NCKAP5: variants seen among roughly 807,000 people sequenced by gnomAD.
The protein encoded by NCKAP5 is nck-associated protein 5.
A neutral mutation model predicts 167.0 loss-of-function variants in NCKAP5; 92 were observed. The ratio of observed to expected loss-of-function variants is 0.55; its 90% CI spans 0.47 to 0.66. NCKAP5 has a LOEUF of 0.66. Ranked by LOEUF, NCKAP5 falls within the 30% of genes least tolerant of loss-of-function variation. The pLI, the probability that NCKAP5 is intolerant of heterozygous loss-of-function variation, is 0.00. For missense variants in NCKAP5, 2,378 were observed against 2,315.0 expected, an observed-to-expected ratio of 1.03 and a Z score of -0.56; for synonymous variants, 891 against 877.4, an observed-to-expected ratio of 1.02 and a Z score of -0.27.
the NCKAP5 span, among the ~76,000 whole-genome samples, chr2:133,615,132 A>G: frequency 6.6e-6 from 1 of 151,872 alleles, no homozygotes; most frequent in South Asian, 2.1e-4. Context: ...CCTGCCCTAA[A>G]AGAGCTCCTG....
chr2:132,962,377 A>G (rs953079461), intron 8 of NCKAP5, among the ~76,000 whole-genome samples: 5 of 151,932 alleles, frequency 3.3e-5, no homozygotes, highest in Non-Finnish European at 7.4e-5. Flanking sequence ...AGCCTAAGTA[A>G]CTTTGATGGT....
chr2:133,480,972 A>G (rs1040008533), intron 3 of NCKAP5, among the ~76,000 whole-genome samples: 2 of 152,180 alleles, frequency 1.3e-5, no homozygotes, highest in Non-Finnish European at 2.9e-5. Context: ...CTTCACTTTT[A>G]TCAGCTGGTG....
At chr2:132,869,174 CT>C in intron 9 of NCKAP5, among the ~76,000 whole-genome samples, 200 bp from the exon 10 acceptor site, 1 of 152,174 alleles carries the variant, frequency 6.6e-6, no homozygotes, top group East Asian at 1.9e-4. Flanking sequence ...CAAAGGTGAC[CT>C]TGTTGCTAAT....
intron 3 of NCKAP5, among the ~76,000 whole-genome samples, chr2:133,426,175 C>A (rs1006735573): frequency 6.6e-6 from 1 of 151,948 alleles, no homozygotes; most frequent in Non-Finnish European, 1.5e-5. Context: ...GAGGCTGAGG[C>A]AGGAGAATAG....
chr2:133,053,167 C>G (rs1192371810), intron 6 of NCKAP5, among the ~76,000 whole-genome samples: 6 of 152,282 alleles, frequency 3.9e-5, no homozygotes, highest in African/African-American at 1.2e-4. Flanking sequence ...TTCTTCACAG[C>G]TTTTTGTCTG....
chr2:133,285,376 T>G (rs1333505384), intron 4 of NCKAP5, among the ~76,000 whole-genome samples: 2 of 152,216 alleles, frequency 1.3e-5, no homozygotes, highest in African/African-American at 4.8e-5. Flanking sequence ...AAATGCTAAC[T>G]TTAAAATTAT....
At chr2:133,115,792 T>TGC (rs2082057237) in intron 6 of NCKAP5, among the ~76,000 whole-genome samples, 1 of 102,570 alleles carries the variant, frequency 9.7e-6, no homozygotes, top group East Asian at 3.4e-4. Flanking sequence ...TATATATATA[T>TGC]ATATATATAT....
chr2:132,736,736 G>A (rs1231058191), intron 16 of NCKAP5, among the ~76,000 whole-genome samples: 2 of 152,184 alleles, frequency 1.3e-5, no homozygotes, highest in African/African-American at 2.4e-5. Flanking sequence ...GCAGTGAGCC[G>A]AGATCGCACC....
chr2:132,811,370 T>A (rs997033126), intron 11 of NCKAP5, among the ~76,000 whole-genome samples: 1 of 152,014 alleles, frequency 6.6e-6, no homozygotes, highest in Admixed American at 6.6e-5. Flanking sequence ...CAGGGGTGGA[T>A]AGGGAAAGAC....
chr2:132,984,736 C>T (rs1273459678), intron 7 of NCKAP5, among the ~76,000 whole-genome samples: 2 of 151,884 alleles, frequency 1.3e-5, no homozygotes, highest in Non-Finnish European at 2.9e-5. Context: ...CCTATTTTCT[C>T]TCCATTTCAC....
chr2:133,344,592 G>A (rs1052016225), intron 3 of NCKAP5, among the ~76,000 whole-genome samples: 1 of 152,028 alleles, frequency 6.6e-6, no homozygotes, highest in Admixed American at 6.6e-5. Flanking sequence ...GGCAAGAAGT[G>A]CAAATCGCTG....
At chr2:132,862,779 C>CA (rs761608288) in intron 10 of NCKAP5, among the ~76,000 whole-genome samples, 1,335 of 70,430 alleles carry the variant, frequency 0.019, 14 homozygotes, top group Non-Finnish European at 0.026. Flanking sequence ...AAAAAAAAAA[C>CA]CAAAAAAAAA....
chr2:132,815,539 A>G lies in NCKAP5; in HGVS notation c.808-18810T>C, dbSNP rs543062606. Among the ~76,000 whole-genome samples the G allele has an allele frequency of 2.0e-5, 3 of 152,346 alleles. No homozygotes were observed. The South Asian group carries it at 6.2e-4, about 32-fold the overall frequency. ...GGTTTAAAAACATTTATTACATATA[A>G]ATCTATAGTGTTTTATTTAGCTATT... On this transcript the variant is annotated intron_variant, in intron 11 of 19. Transcript: ENST00000409261.
At chr2:132,966,196 T>C (rs960694059) in intron 7 of NCKAP5, among the ~76,000 whole-genome samples, 4 of 152,062 alleles carry the variant, frequency 2.6e-5, no homozygotes, top group Non-Finnish European at 4.4e-5. Context: ...ACCTCCCAGG[T>C]TCAAGCAATT....
intron 19 of NCKAP5, among the ~76,000 whole-genome samples, chr2:132,694,870 A>C (rs1193436075): frequency 6.6e-6 from 1 of 152,208 alleles, no homozygotes; most frequent in Non-Finnish European, 1.5e-5. Context: ...TCCAGTCTCC[A>C]GCATGGACCT....
chr2:133,556,797 G>T (rs571505163), intron 2 of NCKAP5: 1 of 152,130 alleles, frequency 6.6e-6, no homozygotes, highest in African/African-American at 2.4e-5. Flanking sequence ...CAGACGTTTG[G>T]GTATGGAGAG....
chr2:133,366,488 A>G (rs1260887625), intron 3 of NCKAP5, among the ~76,000 whole-genome samples: 2 of 152,066 alleles, frequency 1.3e-5, no homozygotes, highest in Admixed American at 1.3e-4. Context: ...TTTTTAGTAG[A>G]GATGGGGCTT....
At chr2:133,519,670 A>G (rs1684314322) in intron 2 of NCKAP5, among the ~76,000 whole-genome samples, 1 of 152,210 alleles carries the variant, frequency 6.6e-6, no homozygotes, top group Non-Finnish European at 1.5e-5. Flanking sequence ...CCTTTAGCAC[A>G]TATGCATTGA....
chr2:132,803,296 AATT>A (rs1685178172), intron 11 of NCKAP5, among the ~76,000 whole-genome samples: 1 of 152,182 alleles, frequency 6.6e-6, no homozygotes, highest in Non-Finnish European at 1.5e-5. Context: ...TCCTTGTTGC[AATT>A]ATTATTTTCC....
Sources: allele counts gnomAD v4.1 joint callset (sites outside exome capture counted in the v4.1 genomes callset), GRCh38; gene constraint gnomAD v4.1.1; transcripts MANE v1.5; gene names NCBI Gene and HGNC (gene_info 2026-07-23, HGNC 2026-07-21).